The following CDH12 variants were observed in gnomAD, a reference collection of about 807,000 sequenced individuals.
The protein encoded by CDH12 is cadherin 12.
CDH12 carries 41 observed loss-of-function variants against 74.1 expected under a neutral mutation model. That is an observed-to-expected ratio of 0.55 (90% CI 0.43 to 0.72). The LOEUF is 0.72. Among genes scored for constraint, CDH12 ranks in the 30% least tolerant of loss-of-function variants. CDH12 has a pLI of 0.00. For synonymous variants in CDH12, 399 were observed against 355.0 expected, an observed-to-expected ratio of 1.12 and a Z score of -1.39; for missense variants, 945 against 977.2, an observed-to-expected ratio of 0.97 and a Z score of 0.44.
At chr5:22,494,654 G>A (rs1747027752) in intron 2 of CDH12, among the ~76,000 whole-genome samples, 1 of 152,152 alleles carries the variant, frequency 6.6e-6, no homozygotes, top group South Asian at 2.1e-4. Context: ...ATGGCATTTT[G>A]AATAAAGCTG....
intron 5 of CDH12, among the ~76,000 whole-genome samples, chr5:21,987,231 T>C (rs187960763): frequency 2.0e-5 from 3 of 152,270 alleles, no homozygotes; most frequent in East Asian, 3.9e-4. Flanking sequence ...TAAATATAAG[T>C]ACGATTTCAA....
intron 1 of CDH12, among the ~76,000 whole-genome samples, chr5:22,712,910 C>A (rs577497818): frequency 2.0e-5 from 3 of 152,080 alleles, no homozygotes; most frequent in East Asian, 3.9e-4. Context: ...TAGTTTGACA[C>A]CTCCTATACA....
intron 4 of CDH12, among the ~76,000 whole-genome samples, chr5:22,211,865 T>TA (rs959550805): frequency 9.2e-5 from 14 of 151,838 alleles, no homozygotes; most frequent in African/African-American, 3.4e-4. Flanking sequence ...TTTCTTTTTT[T>TA]ATTCATGTCA....
chr5:22,105,853 T>C (rs1397615340), intron 4 of CDH12, among the ~76,000 whole-genome samples: 1 of 152,164 alleles, frequency 6.6e-6, no homozygotes, highest in African/African-American at 2.4e-5. Context: ...CATTCTGAAG[T>C]ATAAAGAGAC....
At chr5:22,673,963 T>A (rs1476751034) in intron 1 of CDH12, among the ~76,000 whole-genome samples, 1 of 152,180 alleles carries the variant, frequency 6.6e-6, no homozygotes, top group African/African-American at 2.4e-5. Context: ...ACCAAGTCTG[T>A]GACAACACGT....
chr5:22,712,435 C>CA (rs1743337133), intron 1 of CDH12, among the ~76,000 whole-genome samples: 1 of 151,864 alleles, frequency 6.6e-6, no homozygotes, highest in Admixed American at 6.6e-5. Flanking sequence ...AACCTCTCCC[C>CA]TTTTAAATCT....
At chr5:22,217,164 T>A (rs975603914) in intron 3 of CDH12, among the ~76,000 whole-genome samples, 8 of 151,786 alleles carry the variant, frequency 5.3e-5, no homozygotes, top group Non-Finnish European at 1.0e-4. Context: ...AAATTATTGA[T>A]GTGAAATTGT....
chr5:22,469,819 A>G (rs1442561605), intron 2 of CDH12, among the ~76,000 whole-genome samples: 2 of 152,182 alleles, frequency 1.3e-5, no homozygotes, highest in East Asian at 3.9e-4. Flanking sequence ...AATGTGTCCA[A>G]ACACTCTCCT....
intron 3 of CDH12, among the ~76,000 whole-genome samples, chr5:22,302,304 T>A (rs930095367): frequency 7.2e-5 from 11 of 152,066 alleles, no homozygotes; most frequent in Non-Finnish European, 1.3e-4. Context: ...ACAATGCAAA[T>A]ATTCAAATCA....
chr5:21,866,863 G>A (rs1751353282), intron 6 of CDH12, among the ~76,000 whole-genome samples: 1 of 152,144 alleles, frequency 6.6e-6, no homozygotes, highest in African/African-American at 2.4e-5. Flanking sequence ...CAGATCTGGA[G>A]GTCTAGGAGG....
intron 1 of CDH12, among the ~76,000 whole-genome samples, chr5:22,581,602 C>A (rs1740105562): frequency 6.6e-6 from 1 of 152,186 alleles, no homozygotes; most frequent in Non-Finnish European, 1.5e-5. Flanking sequence ...GGGCCCCACA[C>A]AGAGTACCTA....
At chr5:22,072,027 T>G (rs1741973162) in intron 5 of CDH12, among the ~76,000 whole-genome samples, 1 of 152,086 alleles carries the variant, frequency 6.6e-6, no homozygotes, top group Admixed American at 6.6e-5. Flanking sequence ...TATTCTACTC[T>G]AATTTCCCAT....
chr5:22,171,216 G>T (rs1201906777), intron 4 of CDH12, among the ~76,000 whole-genome samples: 1 of 151,838 alleles, frequency 6.6e-6, no homozygotes, highest in African/African-American at 2.4e-5. Context: ...GACTGGCTTT[G>T]CATATCCCTA....
chr5:21,981,045 T>G (rs2150127162), intron 5 of CDH12, among the ~76,000 whole-genome samples: 1 of 152,288 alleles, frequency 6.6e-6, no homozygotes, highest in Non-Finnish European at 1.5e-5. Context: ...TTTCATTCTT[T>G]CTGTTTCAGT....
At chr5:22,678,428 ATCT>A (rs1741325906) in intron 1 of CDH12, among the ~76,000 whole-genome samples, 1 of 152,168 alleles carries the variant, frequency 6.6e-6, no homozygotes, top group South Asian at 2.1e-4. Flanking sequence ...AAACAATTTC[ATCT>A]TCTTCACTCT....
At chr5:22,584,942 A>C (rs1740305850) in intron 1 of CDH12, among the ~76,000 whole-genome samples, 1 of 152,196 alleles carries the variant, frequency 6.6e-6, no homozygotes, top group Non-Finnish European at 1.5e-5. Context: ...TATCTTAAAA[A>C]AATTTACTAC....
At chr5:22,104,163 A>T (rs541350398) in intron 4 of CDH12, among the ~76,000 whole-genome samples, 4 of 152,226 alleles carry the variant, frequency 2.6e-5, no homozygotes, top group African/African-American at 9.6e-5. Context: ...AATAGATATC[A>T]TACCTACATT....
At chr5:21,975,861 T>G (rs1757052525) in intron 5 of CDH12, among the ~76,000 whole-genome samples, 1 of 152,232 alleles carries the variant, frequency 6.6e-6, no homozygotes, top group African/African-American at 2.4e-5. Context: ...TGCACAAAAC[T>G]TCAGTGTACT....
intron 11 of CDH12, among the ~76,000 whole-genome samples, chr5:21,781,738 G>A (rs1472607615): frequency 7.4e-6 from 1 of 135,384 alleles, no homozygotes; most frequent in Non-Finnish European, 1.6e-5. Context: ...AAAAAAAAAA[G>A]TGGCAACCAA....
Sources: gnomAD v4.1 joint callset for allele counts (sites outside exome capture counted in the v4.1 genomes callset) on GRCh38, gnomAD v4.1.1 for gene constraint, MANE v1.5 for transcripts, NCBI Gene and HGNC (gene_info 2026-07-23, HGNC 2026-07-21) for gene names.